Variants in DAB1 observed in about 807,000 individuals in gnomAD.
DAB1 encodes DAB adaptor protein 1.
Under a neutral mutation model 64.6 loss-of-function variants are expected in DAB1, and 15 were observed. That is an observed-to-expected ratio of 0.23 (90% CI 0.16 to 0.36). DAB1 has a LOEUF of 0.36. Ranked by LOEUF, DAB1 falls within the 10% of genes least tolerant of loss-of-function variation. The pLI, the probability that DAB1 is intolerant of heterozygous loss-of-function variation, is 1.00. For missense variants in DAB1, 596 were observed against 706.7 expected, an observed-to-expected ratio of 0.84 and a Z score of 1.78; for synonymous variants, 235 against 251.9, an observed-to-expected ratio of 0.93 and a Z score of 0.64.
chr1:57,507,382 T>A (rs1040293472), intron 7 of DAB1, among the ~76,000 whole-genome samples: 4 of 152,098 alleles, frequency 2.6e-5, no homozygotes, highest in African/African-American at 4.8e-5. Context: ...TTCCAGGGAG[T>A]CCGGCCTTAC....
At chr1:57,618,410 C>CAA (rs11284763) in intron 7 of DAB1, among the ~76,000 whole-genome samples, 2 of 119,828 alleles carry the variant, frequency 1.7e-5, no homozygotes, top group Non-Finnish European at 3.5e-5. Context: ...GTGAGACTGT[C>CAA]AAAAAAAAAA....
At chr1:57,185,887 C>T (rs1011551521) in intron 2 of DAB1, among the ~76,000 whole-genome samples, 6 of 152,126 alleles carry the variant, frequency 3.9e-5, no homozygotes, top group Middle Eastern at 3.2e-3. Context: ...AACAAACTCC[C>T]TCCCCGAGTA....
intron 5 of DAB1, among the ~76,000 whole-genome samples, chr1:57,944,040 T>C (rs1368018034): frequency 6.6e-6 from 1 of 152,198 alleles, no homozygotes; most frequent in African/African-American, 2.4e-5. Context: ...TTAACTGTGC[T>C]AGACAAATGC....
intron 5 of DAB1, among the ~76,000 whole-genome samples, chr1:57,915,499 G>C (rs1341044705): frequency 4.6e-5 from 7 of 152,112 alleles, no homozygotes; most frequent in Non-Finnish European, 1.0e-4. Flanking sequence ...TAAAATCAGA[G>C]TTTGGCAGCT....
Position 58,332,572 on chromosome 1 carries a change from T to C in DAB1, n.309+10780A>G, listed in dbSNP as rs891688028. Among the ~76,000 whole-genome samples the C allele has an allele frequency of 2.0e-5, 3 of 152,212 alleles. No homozygotes were observed. The East Asian group carries it at 5.8e-4, about 29-fold the overall frequency. On this transcript the variant is annotated intron_variant and non_coding_transcript_variant, in intron 4 of 20. Coordinates refer to the DAB1 transcript ENST00000485760. ...TACATAAATTAAAAATACTTGTTGT[T>C]AAAAATTGTGAAGAATGCCATCATT... is the stretch of plus-strand genomic sequence containing the variant.
intron 5 of DAB1, among the ~76,000 whole-genome samples, chr1:57,905,243 C>T (rs1035639982): frequency 6.6e-6 from 1 of 151,792 alleles, no homozygotes; most frequent in African/African-American, 2.4e-5. Flanking sequence ...TGCTCTGCTA[C>T]AGAATAAAGC....
intron 4 of DAB1, among the ~76,000 whole-genome samples, chr1:58,335,284 G>A (rs1328960004): frequency 1.3e-5 from 2 of 152,216 alleles, no homozygotes; most frequent in Non-Finnish European, 2.9e-5. Context: ...TGTGGCAAGA[G>A]AACAGTAAGA....
At chr1:57,133,829 T>A (rs1476093253) in intron 4 of DAB1, among the ~76,000 whole-genome samples, 1 of 152,064 alleles carries the variant, frequency 6.6e-6, no homozygotes, top group Non-Finnish European at 1.5e-5. Flanking sequence ...AAAGGCCCAG[T>A]TTTCCACTTC....
At chr1:57,207,442 C>CTTTTTTTTTTTTTTTTTTTTT (rs1553156160) in intron 2 of DAB1, among the ~76,000 whole-genome samples, 2 of 105,122 alleles carry the variant, frequency 1.9e-5, no homozygotes, top group South Asian at 2.8e-4. Flanking sequence ...ACCTTATTTC[C>CTTTTTTTTTTTTTTTTTTTTT]TTTCTTTTTT....
intron 2 of DAB1, among the ~76,000 whole-genome samples, chr1:57,227,927 C>T (rs187982346): frequency 2.2e-4 from 34 of 152,108 alleles, no homozygotes; most frequent in African/African-American, 8.0e-4. Context: ...AACTTATGGG[C>T]GAGTGGAAGG....
chr1:58,521,256 A>G (rs755285417), intron 2 of DAB1, among the ~76,000 whole-genome samples: 1 of 152,190 alleles, frequency 6.6e-6, no homozygotes, highest in Non-Finnish European at 1.5e-5. Context: ...AAAAAATAAC[A>G]TATCAACCCT....
chr1:58,052,795 C>T (rs1022116061), intron 5 of DAB1, among the ~76,000 whole-genome samples: 2 of 152,100 alleles, frequency 1.3e-5, no homozygotes, highest in African/African-American at 4.8e-5. Context: ...GTATTTTATT[C>T]TCTTTGTAGC....
At chr1:57,346,085 G>A (rs1310868098) in intron 1 of DAB1, among the ~76,000 whole-genome samples, 1 of 152,180 alleles carries the variant, frequency 6.6e-6, no homozygotes, top group Non-Finnish European at 1.5e-5. Context: ...AGTGAGGTTG[G>A]AACTTAAAGC....
At chr1:58,128,279 A>T (rs1653273929) in intron 5 of DAB1, among the ~76,000 whole-genome samples, 1 of 151,046 alleles carries the variant, frequency 6.6e-6, no homozygotes, top group African/African-American at 2.4e-5. Context: ...TTGGTGTATA[A>T]GAATGCCTGT....
intron 7 of DAB1, among the ~76,000 whole-genome samples, chr1:57,496,886 G>A (rs1644237042): frequency 6.6e-6 from 1 of 152,068 alleles, no homozygotes; most frequent in Middle Eastern, 3.2e-3. Context: ...CACAACAAGG[G>A]GTCCAACTCT....
Position 57,683,758 on chromosome 1 carries a change from C to T in DAB1, n.552-34093G>A, listed in dbSNP as rs1314524550. On this transcript the variant is annotated intron_variant and non_coding_transcript_variant, in intron 6 of 20. Coordinates refer to the DAB1 transcript ENST00000485760. ...TACCTCCAAATGAGGCCACCAGCTA[C>T]CCAGCAGTGGTTGTCAATCAGACTG... Among the ~76,000 whole-genome samples the T allele has an allele frequency of 2.6e-5, 4 of 152,144 alleles. No individual in the cohort carries two copies. In the South Asian group the frequency reaches 6.2e-4, roughly 24 times the overall value.
chr1:57,103,262 GA>G (rs1268313047), intron 4 of DAB1, among the ~76,000 whole-genome samples: 1 of 152,122 alleles, frequency 6.6e-6, no homozygotes, highest in Non-Finnish European at 1.5e-5. Flanking sequence ...GGGCAGACAG[GA>G]AGATCCTCCA....
chr1:58,536,370 G>A (rs1557458284), intron 1 of DAB1: 5 of 606,952 alleles, frequency 8.2e-6, no homozygotes, highest in African/African-American at 1.9e-5. Context: ...AGTGTGAAAG[G>A]TCTGAGGCCT....
At chr1:57,738,586 G>T (rs1166095186) in intron 6 of DAB1, among the ~76,000 whole-genome samples, 1 of 152,096 alleles carries the variant, frequency 6.6e-6, no homozygotes, top group Non-Finnish European at 1.5e-5. Context: ...CAAACAGTGG[G>T]GTGAGTGTCA....
Sources: allele counts gnomAD v4.1 joint callset (sites outside exome capture counted in the v4.1 genomes callset), GRCh38; gene constraint gnomAD v4.1.1; transcripts MANE v1.5; gene names NCBI Gene and HGNC (gene_info 2026-07-23, HGNC 2026-07-21).